SCRG1: variants seen among roughly 807,000 people sequenced by gnomAD.
SCRG1 encodes the protein scrapie-responsive protein 1.
Under a neutral mutation model 7.7 loss-of-function variants are expected in SCRG1, and 3 were observed. The observed-to-expected ratio is 0.39, with a 90% CI of 0.18 to 1.01. The LOEUF (loss-of-function observed/expected upper bound fraction) is 1.01, where lower values mean the gene tolerates loss of function less well. Ranked by LOEUF, SCRG1 falls within the 50% of genes least tolerant of loss-of-function variation. SCRG1 has a pLI of 0.36. For synonymous variants in SCRG1, 46 were observed against 41.2 expected (o/e 1.12, Z -0.44); for missense variants, 110 against 117.2 (o/e 0.94, Z 0.28).
chr4:173,431,117 T>C, the SCRG1 span, among the ~76,000 whole-genome samples: 2 of 152,166 alleles, frequency 1.3e-5, no homozygotes, highest in African/African-American at 4.8e-5. Context: ...CACTGGAATC[T>C]AAAATAATTT....
chr4:173,469,125 G>A, the SCRG1 span: 5 of 152,062 alleles, frequency 3.3e-5, no homozygotes, highest in African/African-American at 1.2e-4. Flanking sequence ...ACAAGACAGG[G>A]TTCAGAATTT....
At chr4:173,476,363 A>AAAAAAAAAAAATATATATATATATATAT in the SCRG1 span, among the ~76,000 whole-genome samples, 3 of 98,472 alleles carry the variant, frequency 3.0e-5, no homozygotes, top group Non-Finnish European at 6.9e-5. Flanking sequence ...GGAAAAAAAA[A>AAAAAAAAAAAATATATATATATATATAT]ATATATATAT....
At chr4:173,485,638 T>G in the SCRG1 span, among the ~76,000 whole-genome samples, 1 of 152,132 alleles carries the variant, frequency 6.6e-6, no homozygotes, top group African/African-American at 2.4e-5. Flanking sequence ...TATCTGATTC[T>G]CAAAGATTAT....
the SCRG1 span, among the ~76,000 whole-genome samples, chr4:173,471,263 G>C: frequency 2.6e-5 from 4 of 152,142 alleles, no homozygotes; most frequent in Non-Finnish European, 5.9e-5. Context: ...GGGTACAGTT[G>C]GGAGAAAACA....
At chr4:173,483,723 G>C in the SCRG1 span, among the ~76,000 whole-genome samples, 245 of 1,400 alleles carry the variant, frequency 0.17, 95 homozygotes, top group Middle Eastern at 1. Context: ...ATTATATTGT[G>C]ATATATCATA....
the SCRG1 span, among the ~76,000 whole-genome samples, chr4:173,428,033 G>T: frequency 3.3e-5 from 5 of 152,138 alleles, no homozygotes; most frequent in African/African-American, 7.2e-5. Context: ...TTAGACACAA[G>T]AATCAATTAT....
chr4:173,482,625 C>T, the SCRG1 span, among the ~76,000 whole-genome samples: 2 of 151,708 alleles, frequency 1.3e-5, no homozygotes, highest in East Asian at 1.9e-4. Flanking sequence ...TGAGACCAGC[C>T]GTGGCAACAA....
At chr4:173,409,345 G>C (rs1739990025), upstream of SCRG1, among the ~76,000 whole-genome samples, 1 of 152,106 alleles carries the variant, frequency 6.6e-6, no homozygotes, top group Non-Finnish European at 1.5e-5. Flanking sequence ...CCTTACCTGT[G>C]TGACAGAGGG....
intron 1 of SCRG1, among the ~76,000 whole-genome samples, chr4:173,397,768 T>C (rs904376352): frequency 3.3e-5 from 5 of 152,206 alleles, no homozygotes; most frequent in Admixed American, 3.3e-4. Flanking sequence ...GTTCAGACAT[T>C]TATGGTGCAA....
chr4:173,395,905 A>G (rs1739589846), intron 1 of SCRG1, among the ~76,000 whole-genome samples: 1 of 152,230 alleles, frequency 6.6e-6, no homozygotes, highest in African/African-American at 2.4e-5. Context: ...AGAAGATATG[A>G]TAAAGAGTTT....
At chr4:173,403,748 A>G (rs1739820830), upstream of SCRG1, among the ~76,000 whole-genome samples, 1 of 152,236 alleles carries the variant, frequency 6.6e-6, no homozygotes, top group East Asian at 1.9e-4. Context: ...GTTTCCTGGC[A>G]GTCTCTAAGG....
At chr4:173,492,693 T>A in the SCRG1 span, among the ~76,000 whole-genome samples, 16 of 152,320 alleles carry the variant, frequency 1.1e-4, no homozygotes, top group African/African-American at 3.6e-4. Context: ...GTCTAGTTAG[T>A]GGCCTAACTG....
intron 1 of SCRG1, chr4:173,398,197 T>G (rs1429548341): frequency 6.6e-6 from 1 of 152,200 alleles, no homozygotes; most frequent in East Asian, 1.9e-4. Context: ...GAAGCAGTAT[T>G]AAAAAGTGAA....
At chr4:173,467,602 A>G in the SCRG1 span, among the ~76,000 whole-genome samples, 9 of 152,196 alleles carry the variant, frequency 5.9e-5, no homozygotes, top group Admixed American at 2.0e-4. Context: ...ACATTCACCT[A>G]TAATTCTTAG....
chr4:173,417,665 C>T, the SCRG1 span, among the ~76,000 whole-genome samples: 1 of 147,480 alleles, frequency 6.8e-6, no homozygotes, highest in East Asian at 2.1e-4. Flanking sequence ...AGGTCTTGCT[C>T]TGTCATCCAG....
the SCRG1 span, among the ~76,000 whole-genome samples, chr4:173,498,177 C>T: frequency 7.6e-4 from 115 of 152,198 alleles, no homozygotes; most frequent in African/African-American, 2.7e-3. Flanking sequence ...ATTCAAGACT[C>T]TTATAAACAA....
chr4:173,441,445 C>T, the SCRG1 span, among the ~76,000 whole-genome samples: 1 of 152,154 alleles, frequency 6.6e-6, no homozygotes, highest in Admixed American at 6.5e-5. Flanking sequence ...GCCAAAGTCT[C>T]TCTGTAATCC....
chr4:173,483,193 T>C, the SCRG1 span, among the ~76,000 whole-genome samples: 16 of 97,066 alleles, frequency 1.6e-4, no homozygotes, highest in Non-Finnish European at 2.5e-4. Context: ...TTATATATGA[T>C]ATATATTATA....
the SCRG1 span, among the ~76,000 whole-genome samples, chr4:173,432,951 A>C: frequency 3.3e-5 from 5 of 152,102 alleles, no homozygotes; most frequent in African/African-American, 1.2e-4. Flanking sequence ...TACATGAGGA[A>C]TTTTTTCTCT....
Sources: gnomAD v4.1 joint callset for allele counts (sites outside exome capture counted in the v4.1 genomes callset) on GRCh38, gnomAD v4.1.1 for gene constraint, MANE v1.5 for transcripts, NCBI Gene and HGNC (gene_info 2026-07-23, HGNC 2026-07-21) for gene names.